The following NCKAP5 variants were observed in gnomAD, a reference collection of about 807,000 sequenced individuals.
The protein encoded by NCKAP5 is nck-associated protein 5.
A neutral mutation model predicts 167.0 loss-of-function variants in NCKAP5; 92 were observed. The ratio of observed to expected loss-of-function variants is 0.55; its 90% CI spans 0.47 to 0.66. The LOEUF is 0.66. NCKAP5 is among the 30% of genes least tolerant of loss of function. The pLI, the probability that NCKAP5 is intolerant of heterozygous loss-of-function variation, is 0.00. For synonymous variants in NCKAP5, 891 were observed against 877.4 expected (o/e 1.02, Z -0.27); for missense variants, 2,378 against 2,315.0 (o/e 1.03, Z -0.56).
chr2:133,314,217 G>A (rs1681447472), intron 3 of NCKAP5, among the ~76,000 whole-genome samples: 1 of 152,130 alleles, frequency 6.6e-6, no homozygotes, highest in South Asian at 2.1e-4. Context: ...TGCAGTCTCA[G>A]CACCTAGCAC....
At chr2:133,361,239 A>T (rs2150867336) in intron 3 of NCKAP5, among the ~76,000 whole-genome samples, 1 of 152,270 alleles carries the variant, frequency 6.6e-6, no homozygotes, top group African/African-American at 2.4e-5. Context: ...ATAGAAAGCT[A>T]GAGAATGTGA....
At chr2:133,548,486 G>A (rs554458005) in intron 2 of NCKAP5, among the ~76,000 whole-genome samples, 12 of 149,660 alleles carry the variant, frequency 8.0e-5, no homozygotes, top group African/African-American at 4.9e-5. Context: ...GAGAAAGGTC[G>A]GGTTACCCTC....
At chr2:133,412,785 C>T (rs1302502762) in intron 3 of NCKAP5, among the ~76,000 whole-genome samples, 1 of 152,162 alleles carries the variant, frequency 6.6e-6, no homozygotes. Context: ...AGAAAACTGG[C>T]TTTTATGTCA....
intron 5 of NCKAP5, among the ~76,000 whole-genome samples, chr2:133,171,683 A>T (rs1312426131): frequency 2.6e-5 from 4 of 152,222 alleles, no homozygotes; most frequent in Non-Finnish European, 5.9e-5. Context: ...CAGCTCCAGA[A>T]ATATATGTCA....
At chr2:133,586,581 C>G in the NCKAP5 span, among the ~76,000 whole-genome samples, 4 of 152,316 alleles carry the variant, frequency 2.6e-5, no homozygotes, top group South Asian at 8.3e-4. Context: ...ACTCAGGCAT[C>G]TTCACATAGA....
intron 4 of NCKAP5, among the ~76,000 whole-genome samples, chr2:133,294,217 A>C (rs1389568202): frequency 6.6e-6 from 1 of 152,188 alleles, no homozygotes; most frequent in Non-Finnish European, 1.5e-5. Flanking sequence ...CATGCAGAGC[A>C]ATTTTACTTG....
Position 132,984,243 on chromosome 2 carries a change from G to A in NCKAP5, c.429+9909C>T, listed in dbSNP as rs368634160. On this transcript the variant is annotated intron_variant, in intron 7 of 19. Transcript: ENST00000409261. Reference sequence around the variant, plus strand: ...AAATGTTTAACCATACTAAGGCCCAGTCTCAGCTGCCGGAGACTCTATGGA... The same window carrying A: ...AAATGTTTAACCATACTAAGGCCCAATCTCAGCTGCCGGAGACTCTATGGA... Among the ~76,000 whole-genome samples, 17 of 152,278 alleles carry A rather than the reference G, an allele frequency of 1.1e-4. No homozygotes were observed. In the South Asian group the frequency reaches 2.3e-3, roughly 20 times the overall value.
chr2:133,243,259 C>T (rs2087812128), intron 4 of NCKAP5, among the ~76,000 whole-genome samples: 2 of 152,052 alleles, frequency 1.3e-5, no homozygotes, highest in African/African-American at 4.8e-5. Flanking sequence ...CCTGTAAGTC[C>T]CTTTTGAACA....
intron 3 of NCKAP5, among the ~76,000 whole-genome samples, chr2:133,350,616 C>A (rs1684296364): frequency 6.6e-6 from 1 of 152,190 alleles, no homozygotes; most frequent in South Asian, 2.1e-4. Context: ...AATGAATTAT[C>A]CCATTTTACA....
the NCKAP5 span, among the ~76,000 whole-genome samples, chr2:133,653,480 C>A: frequency 6.6e-6 from 1 of 152,188 alleles, no homozygotes; most frequent in South Asian, 2.1e-4. Flanking sequence ...TAACCCATCA[C>A]CCCTTTTATA....
At chr2:133,127,193 T>C (rs893174293) in intron 6 of NCKAP5, among the ~76,000 whole-genome samples, 1 of 152,224 alleles carries the variant, frequency 6.6e-6, no homozygotes, top group African/African-American at 2.4e-5. Flanking sequence ...TCTATAATAT[T>C]GAGAATTTTT....
At chr2:132,684,427 A>G (rs1685668392) in intron 19 of NCKAP5, among the ~76,000 whole-genome samples, 1 of 152,230 alleles carries the variant, frequency 6.6e-6, no homozygotes. Flanking sequence ...CATTATTTCC[A>G]TAAGTTATTT....
intron 5 of NCKAP5, among the ~76,000 whole-genome samples, chr2:133,169,126 A>C (rs2084129901): frequency 6.6e-6 from 1 of 152,214 alleles, no homozygotes; most frequent in Non-Finnish European, 1.5e-5. Context: ...TAAAATAAAC[A>C]TCATAAAGTG....
chr2:133,039,566 G>T (rs1315874396), intron 6 of NCKAP5, among the ~76,000 whole-genome samples: 2 of 152,084 alleles, frequency 1.3e-5, no homozygotes, highest in Middle Eastern at 3.2e-3. Context: ...ATCTGGCAAG[G>T]TTTGGCCTAA....
chr2:133,138,022 G>A (rs937032436), intron 5 of NCKAP5, among the ~76,000 whole-genome samples: 3 of 152,162 alleles, frequency 2.0e-5, no homozygotes, highest in African/African-American at 7.2e-5. Flanking sequence ...GTAAAAGAAA[G>A]TGGAGGGAAA....
chr2:132,804,777 G>A lies in NCKAP5; in HGVS notation c.808-8048C>T, dbSNP rs1420502065. Among the ~76,000 whole-genome samples, 4 of 152,188 alleles carry A rather than the reference G, an allele frequency of 2.6e-5. No individual in the cohort carries two copies. In the East Asian group the frequency reaches 5.8e-4, roughly 22 times the overall value. Reference sequence around the variant, plus strand: ...AGCTGTCATCTTAGTTTTTAGAGATGAAGAACCCAAGATGACAGAAGCGAA... The same window carrying A: ...AGCTGTCATCTTAGTTTTTAGAGATAAAGAACCCAAGATGACAGAAGCGAA... On this transcript the variant is annotated intron_variant, in intron 11 of 19. Transcript: ENST00000409261.
chr2:132,930,913 T>C (rs1001854213), intron 8 of NCKAP5: 2 of 152,088 alleles, frequency 1.3e-5, no homozygotes, highest in African/African-American at 4.8e-5. Flanking sequence ...ATAAAATAGG[T>C]ACTGTTATTT....
At chr2:133,136,705 A>T (rs2082798963) in intron 5 of NCKAP5, among the ~76,000 whole-genome samples, 1 of 152,242 alleles carries the variant, frequency 6.6e-6, no homozygotes, top group Admixed American at 6.5e-5. Flanking sequence ...AGAAATGAAT[A>T]GAGGCCATTA....
intron 6 of NCKAP5, among the ~76,000 whole-genome samples, chr2:133,013,982 T>A (rs2078250886): frequency 6.6e-6 from 1 of 152,216 alleles, no homozygotes; most frequent in South Asian, 2.1e-4. Context: ...TCCTCTTTCC[T>A]TGACCAATGC....
Sources: allele counts gnomAD v4.1 joint callset (sites outside exome capture counted in the v4.1 genomes callset), GRCh38; gene constraint gnomAD v4.1.1; transcripts MANE v1.5; gene names NCBI Gene and HGNC (gene_info 2026-07-23, HGNC 2026-07-21).